Variants in LRMDA observed in about 807,000 individuals in gnomAD.
LRMDA encodes leucine-rich melanocyte differentiation-associated protein.
LRMDA carries 18 observed loss-of-function variants against 29.8 expected under a neutral mutation model. The observed-to-expected ratio is 0.60, with a 90% CI of 0.42 to 0.90. LRMDA has a LOEUF of 0.90. Among genes scored for constraint, LRMDA ranks in the 40% least tolerant of loss-of-function variants. The pLI is 0.00. For missense variants in LRMDA, 273 were observed against 273.9 expected (o/e 1.00, Z 0.02); for synonymous variants, 125 against 109.4 (o/e 1.14, Z -0.89).
intron 2 of LRMDA, among the ~76,000 whole-genome samples, chr10:75,759,423 C>T (rs1431854576): frequency 2.0e-5 from 3 of 152,144 alleles, no homozygotes; most frequent in Admixed American, 2.0e-4. Context: ...TCTCTGCTCT[C>T]TCTAATGGTA....
intron 2 of LRMDA, among the ~76,000 whole-genome samples, chr10:76,027,813 T>A (rs1414547102): frequency 3.3e-5 from 5 of 152,226 alleles, no homozygotes; most frequent in Non-Finnish European, 1.5e-5. Flanking sequence ...TAATTTGGGG[T>A]ACTTAAATGT....
intron 5 of LRMDA, among the ~76,000 whole-genome samples, chr10:76,172,052 A>G (rs1180437918): frequency 6.6e-6 from 1 of 152,136 alleles, no homozygotes; most frequent in East Asian, 1.9e-4. Context: ...GAGAGGAAGC[A>G]AGGACCCCAG....
chr10:75,874,266 T>C (rs1043662368), intron 2 of LRMDA, among the ~76,000 whole-genome samples: 1 of 152,296 alleles, frequency 6.6e-6, no homozygotes, highest in South Asian at 2.1e-4. Flanking sequence ...CATTTTACAC[T>C]TTAGAAAGAT....
At chr10:75,593,327 G>T (rs533114413) in intron 2 of LRMDA, among the ~76,000 whole-genome samples, 1 of 152,328 alleles carries the variant, frequency 6.6e-6, no homozygotes, top group Admixed American at 6.5e-5. Flanking sequence ...GCAGTTTGCA[G>T]TTTGGCACAC....
At chr10:75,792,012 A>G (rs751505433) in intron 2 of LRMDA, among the ~76,000 whole-genome samples, 1 of 151,586 alleles carries the variant, frequency 6.6e-6, no homozygotes, top group Non-Finnish European at 1.5e-5. Flanking sequence ...GGTGCCCGCC[A>G]CCACGCCCGG....
intron 2 of LRMDA, among the ~76,000 whole-genome samples, chr10:75,975,722 TC>T (rs1847058152): frequency 1.3e-5 from 2 of 152,202 alleles, no homozygotes; most frequent in South Asian, 4.1e-4. Context: ...TCTCTAAAGT[TC>T]TTTTAGAATA....
intron 2 of LRMDA, 54 bp downstream of exon 2, chr10:75,438,548 G>A: frequency 7.4e-7 from 1 of 1,360,340 alleles, no homozygotes; most frequent in South Asian, 1.2e-5. Context: ...GTCCTCCTGG[G>A]TACTTTAGGG....
intron 5 of LRMDA, among the ~76,000 whole-genome samples, chr10:76,209,572 G>C (rs149864625): frequency 3.9e-5 from 6 of 152,218 alleles, no homozygotes; most frequent in Non-Finnish European, 8.8e-5. Context: ...GTATGTAGTG[G>C]TTGATTTCTG....
At chr10:75,599,775 ATTTTATTTGC>A (rs1356230678) in intron 2 of LRMDA, among the ~76,000 whole-genome samples, 1 of 152,190 alleles carries the variant, frequency 6.6e-6, no homozygotes, top group African/African-American at 2.4e-5. Context: ...CGAATTTTAA[ATTTTATTTGC>A]TTTTAATTAA....
At chr10:76,361,815 A>T (rs1410229766) in intron 6 of LRMDA, among the ~76,000 whole-genome samples, 1 of 152,162 alleles carries the variant, frequency 6.6e-6, no homozygotes, top group Admixed American at 6.5e-5. Context: ...GTTGACACTG[A>T]CAGGACGTGG....
intron 2 of LRMDA, among the ~76,000 whole-genome samples, chr10:75,989,213 G>A (rs1847316177): frequency 6.6e-6 from 1 of 152,232 alleles, no homozygotes; most frequent in Non-Finnish European, 1.5e-5. Context: ...GACTGTATTA[G>A]TCCATGCTAA....
At chr10:75,883,709 G>A (rs560044512) in intron 2 of LRMDA, among the ~76,000 whole-genome samples, 1 of 152,044 alleles carries the variant, frequency 6.6e-6, no homozygotes, top group African/African-American at 2.4e-5. Context: ...TACTGAGTGA[G>A]GGAATGAAAG....
At chr10:76,548,430 G>C (rs549000710) in intron 6 of LRMDA, among the ~76,000 whole-genome samples, 164 of 146,634 alleles carry the variant, frequency 1.1e-3, no homozygotes, top group African/African-American at 3.8e-3. Flanking sequence ...ACTGTTTCAG[G>C]CTTCATCTTT....
chr10:76,307,831 C>T (rs556983044), intron 5 of LRMDA, among the ~76,000 whole-genome samples: 1 of 152,312 alleles, frequency 6.6e-6, no homozygotes, highest in Non-Finnish European at 1.5e-5. Context: ...GAAGTTTGAA[C>T]ACCTGGATCT....
intron 6 of LRMDA, among the ~76,000 whole-genome samples, chr10:76,547,744 G>C (rs1371429506): frequency 6.6e-6 from 1 of 152,122 alleles, no homozygotes; most frequent in African/African-American, 2.4e-5. Context: ...CTTGACCACT[G>C]TCCGCTTTGA....
At chr10:76,397,949 AG>A (rs1265822273) in intron 6 of LRMDA, among the ~76,000 whole-genome samples, 6 of 152,250 alleles carry the variant, frequency 3.9e-5, no homozygotes, top group African/African-American at 1.4e-4. Context: ...AACTGTGATG[AG>A]TCCAACCCTT....
chr10:76,475,716 A>G (rs2132321212), intron 6 of LRMDA, among the ~76,000 whole-genome samples: 1 of 152,298 alleles, frequency 6.6e-6, no homozygotes, highest in South Asian at 2.1e-4. Flanking sequence ...ACCACAGTGC[A>G]ATCAAACTAG....
At chr10:75,548,708 T>G (rs749305808) in intron 2 of LRMDA, among the ~76,000 whole-genome samples, 1 of 152,184 alleles carries the variant, frequency 6.6e-6, no homozygotes, top group Non-Finnish European at 1.5e-5. Context: ...TATTGAAATA[T>G]GTAATATTTC....
chr10:75,465,732 C>T (rs147478403), intron 2 of LRMDA, among the ~76,000 whole-genome samples: 2 of 152,168 alleles, frequency 1.3e-5, no homozygotes, highest in Non-Finnish European at 2.9e-5. Context: ...ATCCTTCCCC[C>T]CTTCCCCCAA....
Sources: gnomAD v4.1 joint callset for allele counts (sites outside exome capture counted in the v4.1 genomes callset) on GRCh38, gnomAD v4.1.1 for gene constraint, MANE v1.5 for transcripts, NCBI Gene and HGNC (gene_info 2026-07-23, HGNC 2026-07-21) for gene names.